Variants in PDZRN3 observed in about 807,000 individuals in gnomAD.
PDZRN3 encodes the protein E3 ubiquitin-protein ligase PDZRN3.
In PDZRN3, 38 loss-of-function variants were observed where a neutral mutation model predicts 85.7. The ratio of observed to expected loss-of-function variants is 0.44; its 90% CI spans 0.34 to 0.58. PDZRN3 has a LOEUF of 0.58. Among genes scored for constraint, PDZRN3 ranks in the 20% least tolerant of loss-of-function variants. PDZRN3 has a pLI of 0.01. For synonymous variants in PDZRN3, 759 were observed against 638.0 expected (o/e 1.19, Z -2.86); for missense variants, 1,629 against 1,506.4 (o/e 1.08, Z -1.35).
intron 5 of PDZRN3, among the ~76,000 whole-genome samples, chr3:73,396,771 A>T (rs1236550840): frequency 6.6e-6 from 1 of 152,236 alleles, no homozygotes; most frequent in Non-Finnish European, 1.5e-5. Context: ...CTGGGAAATT[A>T]AAACAATAGA....
chr3:73,474,968 A>C (rs2106893487), intron 3 of PDZRN3, among the ~76,000 whole-genome samples: 2 of 152,290 alleles, frequency 1.3e-5, no homozygotes, highest in South Asian at 4.1e-4. Context: ...TTCTGCTCAA[A>C]GAGTCAGGCA....
At chr3:73,450,276 T>C (rs995831958) in intron 3 of PDZRN3, among the ~76,000 whole-genome samples, 20 of 152,234 alleles carry the variant, frequency 1.3e-4, no homozygotes, top group Non-Finnish European at 2.6e-4. Context: ...TAGCAATTCT[T>C]CCTTACCCTA....
At position 73,497,992 on chromosome 3, in the gene PDZRN3, A is replaced by C. The variant is rs564218778; in HGVS notation, c.919-93597T>G. Among the ~76,000 whole-genome samples, 4 of 152,288 alleles carry C rather than the reference A, an allele frequency of 2.6e-5. No individual in the cohort carries two copies. In the South Asian group the frequency reaches 8.3e-4, roughly 32 times the overall value. ...GGGTCTGGGAAGATGCTGAGGTAAC[A>C]ACAGTTGAGCTTGCTGGTTCTAACT... On this transcript the variant is annotated intron_variant, in intron 3 of 9. Coordinates refer to ENST00000263666, the MANE Select transcript of PDZRN3 (RefSeq NM_015009.3).
intron 3 of PDZRN3, among the ~76,000 whole-genome samples, chr3:73,565,708 C>T (rs568361738): frequency 3.4e-4 from 52 of 151,620 alleles, no homozygotes; most frequent in African/African-American, 1.2e-3. Context: ...GAGACTGAAG[C>T]GGGTGGATCA....
rs571680335 is a variant in PDZRN3 at position 73,392,371 on chromosome 3, G to A, written c.1255-1255C>T. Among the ~76,000 whole-genome samples the A allele has an allele frequency of 3.3e-5, 5 of 152,368 alleles. No individual in the cohort carries two copies. The South Asian group carries it at 1.0e-3, about 32-fold the overall frequency. On this transcript the variant is annotated intron_variant, in intron 5 of 9. Transcript: ENST00000263666. ...AAGTGAGGACTGCCATGATCTTAAC[G>A]ACTTTCAGCAGTCTGTCTTGCTGAT...
At chr3:73,419,971 A>G (rs1431849479) in intron 3 of PDZRN3, among the ~76,000 whole-genome samples, 2 of 152,208 alleles carry the variant, frequency 1.3e-5, no homozygotes, top group African/African-American at 2.4e-5. Context: ...GCAGAGTCAT[A>G]CACCACCATC....
chr3:73,608,925 G>A (rs1702643453), intron 1 of PDZRN3, among the ~76,000 whole-genome samples: 2 of 152,108 alleles, frequency 1.3e-5, no homozygotes, highest in Non-Finnish European at 2.9e-5. Context: ...AGAATGTCTG[G>A]AGATGTCCAG....
Position 73,593,709 on chromosome 3 carries a change from T to TATACACAC in PDZRN3, c.918+8644_918+8645insGTGTGTAT, listed in dbSNP as rs1246145951. 3.2e-3 allele frequency among the ~76,000 whole-genome samples: 461 copies of TATACACAC among 141,932 alleles called. 1 individual carries two copies. The highest frequency in any genetic ancestry group is 0.014 in the Middle Eastern group (4 of 276). The allele number at this position is 141,932 out of a possible 152,430, so 93.1% of individuals were successfully genotyped here. ...TTCTTACTGTTTACCGAAATAAATA[T>TATACACAC]ACACACACACACACACACACACACA... On this transcript the variant is annotated intron_variant, in intron 3 of 9. Transcript: ENST00000263666.
At chr3:73,440,490 C>T (rs1702613666) in intron 3 of PDZRN3, among the ~76,000 whole-genome samples, 1 of 152,198 alleles carries the variant, frequency 6.6e-6, no homozygotes, top group Admixed American at 6.5e-5. Context: ...CAACATGCAG[C>T]CCAAGCTGAG....
intron 3 of PDZRN3, among the ~76,000 whole-genome samples, chr3:73,449,985 C>A (rs1242095699): frequency 6.6e-6 from 1 of 152,194 alleles, no homozygotes; most frequent in African/African-American, 2.4e-5. Context: ...CCATAGGTAC[C>A]TCCTCTGGAG....
intron 2 of PDZRN3, among the ~76,000 whole-genome samples, chr3:73,607,900 C>A (rs979896517): frequency 1.3e-5 from 2 of 152,062 alleles, no homozygotes; most frequent in African/African-American, 4.8e-5. Flanking sequence ...AACTACTTTC[C>A]TTTTAAGCTA....
intron 3 of PDZRN3, among the ~76,000 whole-genome samples, chr3:73,574,442 T>G (rs1575745994): frequency 9.2e-6 from 1 of 108,882 alleles, no homozygotes; most frequent in Non-Finnish European, 1.8e-5. Flanking sequence ...AAGAAGCACT[T>G]TTTTTTGGCT....
Position 73,384,166 on chromosome 3 carries a change from G to A in PDZRN3, c.2400C>T (p.Ala800=), listed in dbSNP as rs765599970. Residue 800 remains alanine (A), a synonymous_variant, in exon 10 of 10, where the codon GCC becomes GCT. Coordinates refer to ENST00000263666, the MANE Select transcript of PDZRN3 (RefSeq NM_015009.3). The stretch of plus-strand genomic sequence containing the variant: ...GCAGATTCTTGGAGGCTGGCCCGTA[G>A]GCTTCCGTGGTCCCCACAGCCCCTT... ...SSEGAVGTTE[A]YGPASKNLLS... 2 of 1,614,062 alleles carry A rather than the reference G, an allele frequency of 1.2e-6. No individual in the cohort carries two copies.
chr3:73,430,669 C>T (rs1481535086), intron 3 of PDZRN3, among the ~76,000 whole-genome samples: 1 of 152,146 alleles, frequency 6.6e-6, no homozygotes, highest in Non-Finnish European at 1.5e-5. Context: ...ACAGACTTTC[C>T]CATCCTTACA....
In PDZRN3 at chr3:73,465,209, C is replaced by T. The variant is rs571172985; in HGVS notation, c.919-60814G>A. Among the ~76,000 whole-genome samples, 20 of 152,316 alleles carry T rather than the reference C, an allele frequency of 1.3e-4. No individual in the cohort carries two copies. In the South Asian group the frequency reaches 4.1e-3, roughly 32 times the overall value. On this transcript the variant is annotated intron_variant, in intron 3 of 9. Coordinates refer to ENST00000263666, the MANE Select transcript of PDZRN3 (RefSeq NM_015009.3). ...CCATCACTTTATCTCCGGAGCCCAG[C>T]CTGGTGCCTGGTACACAGCAGGTAC...
chr3:73,585,281 T>C (rs959505441), intron 3 of PDZRN3, among the ~76,000 whole-genome samples: 2 of 152,236 alleles, frequency 1.3e-5, no homozygotes, highest in African/African-American at 4.8e-5. Context: ...TTCGTTTATA[T>C]TAAGATTTAC....
intron 1 of PDZRN3, among the ~76,000 whole-genome samples, chr3:73,615,604 C>T (rs1466803378): frequency 2.0e-5 from 3 of 152,202 alleles, no homozygotes; most frequent in Non-Finnish European, 4.4e-5. Context: ...AACAGAAAGA[C>T]AGCCATCTGT....
At position 73,385,006 on chromosome 3, in the gene PDZRN3, C is replaced by T. The variant is rs1576017007; in HGVS notation, c.1636-76G>A. ...GGTACTCAGGTTTGACCTTTCCTTG[C>T]GGTTTCTGGATAGGGCAGGCTGTAC... is the stretch of plus-strand genomic sequence containing the variant. On this transcript the variant is annotated intron_variant, in intron 9 of 9. Coordinates refer to ENST00000263666, the MANE Select transcript of PDZRN3 (RefSeq NM_015009.3). 12 of 1,503,026 alleles carry T rather than the reference C, an allele frequency of 8.0e-6. No homozygotes were observed. In the Admixed American group the frequency reaches 8.8e-5, roughly 11 times the overall value. The allele number at this position is 1,503,026 out of a possible 1,614,324, so 93.1% of individuals were successfully genotyped here. A position where few individuals can be genotyped will look rare whatever the true frequency, so the allele number is the denominator to read the frequency against.
chr3:73,516,807 G>A (rs1243147004), intron 3 of PDZRN3, among the ~76,000 whole-genome samples: 1 of 80,234 alleles, frequency 1.2e-5, no homozygotes, highest in Admixed American at 1.2e-4. Context: ...AGGACACGGA[G>A]TCCTGGACAC....
Sources: gnomAD v4.1 joint callset for allele counts (sites outside exome capture counted in the v4.1 genomes callset) on GRCh38, gnomAD v4.1.1 for gene constraint, MANE v1.5 for transcripts, NCBI Gene and HGNC (gene_info 2026-07-23, HGNC 2026-07-21) for gene names.